The following HUS1 variants were observed in gnomAD, a reference collection of about 807,000 sequenced individuals.
HUS1 encodes the protein checkpoint protein HUS1.
A neutral mutation model predicts 32.6 loss-of-function variants in HUS1; 31 were observed. That is an observed-to-expected ratio of 0.95 (90% CI 0.72 to 1.28). The LOEUF (loss-of-function observed/expected upper bound fraction) is 1.28. Among genes scored for constraint, HUS1 ranks in the 50% most tolerant of loss-of-function variants. The pLI, the probability that HUS1 is intolerant of heterozygous loss-of-function variation, is 0.00. For synonymous variants in HUS1, 123 were observed against 116.6 expected, an observed-to-expected ratio of 1.06 and a Z score of -0.36; for missense variants, 340 against 337.7, an observed-to-expected ratio of 1.01 and a Z score of -0.05.
At position 47,965,379 on chromosome 7, in the gene HUS1, A is replaced by G. The variant is rs771131844; in HGVS notation, c.820T>C (p.Tyr274His). The change falls in exon 8 of 8, where the codon TAT becomes CAT. Residue 274 changes from tyrosine to histidine, a missense_variant. Physicochemically the swap from Tyr to His is moderately conservative, Grantham distance 83. Coordinates refer to ENST00000258774, the MANE Select transcript of HUS1 (RefSeq NM_004507.4). The stretch of plus-strand genomic sequence containing the variant: ...TGCTAGGACAGCGCAGGGATGAAAT[A>G]CTGAAGGGACACGTCTTCATGAAGC... ...DLLHEDVSLQ[Y>H]FIPALS 2 of 1,613,210 alleles carry G rather than the reference A, an allele frequency of 1.2e-6. No homozygotes were observed. The highest frequency in any genetic ancestry group is 1.3e-5 in the African/African-American group (1 of 74,916).
chr7:47,978,456 A>G lies in HUS1; in HGVS notation c.318T>C (p.Thr106=). Residue 106 remains threonine, a synonymous_variant, in exon 3 of 8, where the codon ACT becomes ACC. Coordinates refer to ENST00000258774, the MANE Select transcript of HUS1 (RefSeq NM_004507.4). ...CCGTGAGGCAGGGAAAGTGTTTATT[A>G]GTCAGTTTGATTTTCAAAGCCCTGG... ...QNARALKIKL[T]NKHFPCLTVS... is the part of the protein sequence containing the mutation. The G allele has an allele frequency of 6.2e-7, 1 of 1,614,226 alleles. No homozygotes were observed. The highest frequency in any genetic ancestry group is 8.5e-7 in the Non-Finnish European group (1 of 1,180,042).
At chr7:47,966,636 T>C (rs1788484935) in intron 7 of HUS1, among the ~76,000 whole-genome samples, 1 of 152,126 alleles carries the variant, frequency 6.6e-6, no homozygotes, top group Non-Finnish European at 1.5e-5. Context: ...AGTGCAGCCA[T>C]GAGGCCCAGC....
intron 1 of HUS1, chr7:47,979,044 C>T (rs544985475): frequency 4.7e-5 from 27 of 569,390 alleles, no homozygotes; most frequent in Non-Finnish European, 4.4e-5. Context: ...AGAAAACAGG[C>T]ACCTACCAGT....
intron 7 of HUS1, among the ~76,000 whole-genome samples, chr7:47,966,586 C>T (rs1269191216): frequency 6.6e-6 from 1 of 152,160 alleles, no homozygotes; most frequent in African/African-American, 2.4e-5. Flanking sequence ...CTGTGCTTGT[C>T]AGGACCAAGG....
intron 5 of HUS1, among the ~76,000 whole-genome samples, chr7:47,975,109 C>G (rs2686841): frequency 0.46 from 69,803 of 151,884 alleles, 16,775 homozygotes; most frequent in East Asian, 0.54. Context: ...GTCAGGAGAT[C>G]GAGACCATCC....
rs1283170897 is a variant in HUS1 at position 47,975,697 on chromosome 7, C to A, written c.466-10G>T. ...GTAAATAAATACTAACCTACAAAAC[C>A]AATGAGAAAAAAGCACAAGTATTAA... On this transcript the variant is annotated splice_polypyrimidine_tract_variant and intron_variant, in intron 4 of 7. Coordinates refer to ENST00000258774, the MANE Select transcript of HUS1 (RefSeq NM_004507.4). 2.6e-6 allele frequency: 4 copies of A among 1,526,680 alleles called. No individual in the cohort carries two copies. Among genetic ancestry groups the A allele is most frequent in the South Asian group, 2.3e-5 (2 of 85,960 alleles). 94.6% of individuals were successfully genotyped at this position (1,526,680 alleles called of 1,614,324 possible).
chr7:47,967,967 G>GT (rs1562586001), intron 6 of HUS1, 42 bp from the exon 7 acceptor site: 9 of 1,588,310 alleles, frequency 5.7e-6, no homozygotes, highest in Non-Finnish European at 7.7e-6. Flanking sequence ...ATCTTCCCAC[G>GT]TAACAGGAAA....
chr7:47,964,462 G>A lies in HUS1; in HGVS notation c.*894C>T, dbSNP rs1226730372. On this transcript the variant is annotated 3_prime_UTR_variant, in exon 8 of 8. Transcript: ENST00000258774. ...ATGTAATTATAATAGGAAATATGAT[G>A]GGTATGTTTCAGGGAGAATGAGCAC... 1.3e-5 allele frequency: 2 copies of A among 152,176 alleles called. No homozygotes were observed. The highest frequency in any genetic ancestry group is 2.9e-5 in the Non-Finnish European group (2 of 68,030). 9.4% of individuals were successfully genotyped at this position (152,176 alleles called of 1,614,324 possible).
chr7:47,970,535 A>AT (rs1788577739), intron 5 of HUS1, among the ~76,000 whole-genome samples: 1 of 152,208 alleles, frequency 6.6e-6, no homozygotes, highest in Non-Finnish European at 1.5e-5. Flanking sequence ...ACAGAAAATA[A>AT]TAAAGACAGT....
chr7:47,975,084 C>T (rs1401320996), intron 5 of HUS1, among the ~76,000 whole-genome samples: 1 of 152,106 alleles, frequency 6.6e-6, no homozygotes, highest in Non-Finnish European at 1.5e-5. Flanking sequence ...GAGGCCTAGG[C>T]GGGCGGACCA....
rs1788437808 is a variant in HUS1 at position 47,964,633 on chromosome 7, C to T, written c.*723G>A. The T allele has an allele frequency of 6.6e-6, 1 of 152,198 alleles. No individual in the cohort carries two copies. Among genetic ancestry groups the T allele is most frequent in the Non-Finnish European group, 1.5e-5 (1 of 68,064 alleles). The allele number at this position is 152,198 out of a possible 1,614,324, so 9.4% of individuals were successfully genotyped here. The stretch of plus-strand genomic sequence containing the variant: ...TTTCCAGAACGACAGATCCGATACA[C>T]TGTGGAAGAAAGAAATATAAGGAAT... On this transcript the variant is annotated 3_prime_UTR_variant, in exon 8 of 8. Transcript: ENST00000258774.
chr7:47,966,983 T>G (rs1035392700), intron 7 of HUS1, among the ~76,000 whole-genome samples: 2 of 152,330 alleles, frequency 1.3e-5, no homozygotes, highest in African/African-American at 4.8e-5. Context: ...CTTCTGATTC[T>G]CTTCATGTCT....
At chr7:47,974,926 G>A (rs1385964097) in intron 5 of HUS1, among the ~76,000 whole-genome samples, 1 of 152,202 alleles carries the variant, frequency 6.6e-6, no homozygotes, top group Non-Finnish European at 1.5e-5. Flanking sequence ...CTGGCTCACT[G>A]AAAGACACTT....
chr7:47,965,246 G>C lies in HUS1; in HGVS notation c.*110C>G, dbSNP rs1343797245. ...TGTTAGAGAGGGACAAATAAGTACAGTGTGTCGATGTGCGGTGCTGTGAGG... is the reference window on the plus strand; with the variant it reads ...TGTTAGAGAGGGACAAATAAGTACACTGTGTCGATGTGCGGTGCTGTGAGG... On this transcript the variant is annotated 3_prime_UTR_variant, in exon 8 of 8. Coordinates refer to ENST00000258774, the MANE Select transcript of HUS1 (RefSeq NM_004507.4). The C allele has an allele frequency of 2.8e-6, 2 of 711,312 alleles. No homozygotes were observed. Among genetic ancestry groups the C allele is most frequent in the African/African-American group, 3.5e-5 (2 of 57,322 alleles). The allele number at this position is 711,312 out of a possible 1,614,324, so 44.1% of individuals were successfully genotyped here. A position where few individuals can be genotyped will look rare whatever the true frequency, so the allele number is the denominator to read the frequency against.
At chr7:47,971,449 G>A in intron 5 of HUS1, 1 of 456,564 alleles carries the variant, frequency 2.2e-6, no homozygotes, top group South Asian at 1.5e-5. Context: ...AGGTCACAAG[G>A]GACTCCTTTC....
chr7:47,966,891 C>T (rs997547900), intron 7 of HUS1, among the ~76,000 whole-genome samples: 9 of 152,200 alleles, frequency 5.9e-5, no homozygotes, highest in East Asian at 1.9e-4. Context: ...GCTTCTCTGG[C>T]GATATCTCCT....
chr7:47,973,808 T>C (rs3176545), intron 5 of HUS1, among the ~76,000 whole-genome samples: 2 of 152,186 alleles, frequency 1.3e-5, no homozygotes, highest in Non-Finnish European at 2.9e-5. Flanking sequence ...CCCTTCTACC[T>C]CTCTACCTTG....
chr7:47,979,331 G>T, intron 1 of HUS1, 137 bp downstream of exon 1: 1 of 240,074 alleles, frequency 4.2e-6, no homozygotes. Context: ...GCCTACACCA[G>T]CACCCCCATC....
At chr7:47,968,609 T>TC (rs1788529872) in intron 6 of HUS1, among the ~76,000 whole-genome samples, 1 of 152,238 alleles carries the variant, frequency 6.6e-6, no homozygotes. Context: ...CCTGGTCCTT[T>TC]ACCTGCTTTC....
Sources: allele counts gnomAD v4.1 joint callset (sites outside exome capture counted in the v4.1 genomes callset), GRCh38; gene constraint gnomAD v4.1.1; transcripts MANE v1.5; gene names NCBI Gene and HGNC (gene_info 2026-07-23, HGNC 2026-07-21).